The following MACROD2 variants were observed in gnomAD, a reference collection of about 807,000 sequenced individuals.
The protein encoded by MACROD2 is mono-ADP ribosylhydrolase 2.
In MACROD2, 36 loss-of-function variants were observed where a neutral mutation model predicts 70.4. That is an observed-to-expected ratio of 0.51 (90% CI 0.39 to 0.68). MACROD2 has a LOEUF of 0.68. Ranked by LOEUF, MACROD2 falls within the 30% of genes least tolerant of loss-of-function variation. The probability of loss-of-function intolerance (pLI) is 0.00; values close to 1 mark genes in which losing one functional copy is unlikely to be tolerated. For missense variants in MACROD2, 496 were observed against 538.4 expected (o/e 0.92, Z 0.78); for synonymous variants, 172 against 178.8 (o/e 0.96, Z 0.30).
At chr20:15,872,095 T>C (rs1459030957) in intron 9 of MACROD2, among the ~76,000 whole-genome samples, 1 of 152,180 alleles carries the variant, frequency 6.6e-6, no homozygotes, top group Non-Finnish European at 1.5e-5. Context: ...CCTGAAAACA[T>C]GGACAGTTGT....
At chr20:14,966,621 A>G (rs1008116140) in intron 5 of MACROD2, among the ~76,000 whole-genome samples, 7 of 152,154 alleles carry the variant, frequency 4.6e-5, no homozygotes. Context: ...CTCTTCCCGT[A>G]CAAAGCAGCC....
chr20:14,120,478 T>C (rs1287398953), intron 3 of MACROD2, among the ~76,000 whole-genome samples: 1 of 151,742 alleles, frequency 6.6e-6, no homozygotes, highest in East Asian at 1.9e-4. Flanking sequence ...TCCACAAGGA[T>C]CTAGAACCAG....
intron 3 of MACROD2, among the ~76,000 whole-genome samples, chr20:14,302,998 A>G (rs1400309977): frequency 6.6e-6 from 1 of 152,090 alleles, no homozygotes. Context: ...TTTTGCATTC[A>G]CTGAAAGATT....
chr20:15,034,778 T>G (rs755241237), intron 5 of MACROD2, among the ~76,000 whole-genome samples: 1 of 152,192 alleles, frequency 6.6e-6, no homozygotes, highest in Non-Finnish European at 1.5e-5. Context: ...GAATTAGTAA[T>G]ATACTTTGAT....
intron 8 of MACROD2, among the ~76,000 whole-genome samples, chr20:15,854,244 G>A (rs2064332723): frequency 6.6e-6 from 1 of 151,942 alleles, no homozygotes; most frequent in Admixed American, 6.6e-5. Context: ...GTAGAGGTGG[G>A]AGGTAGAGAA....
intron 8 of MACROD2, among the ~76,000 whole-genome samples, chr20:15,633,825 T>G (rs954546501): frequency 1.3e-5 from 2 of 152,220 alleles, no homozygotes; most frequent in African/African-American, 4.8e-5. Context: ...ATACACATGT[T>G]TTAGGAGTGT....
chr20:14,058,641 T>G (rs1016464021), intron 2 of MACROD2, among the ~76,000 whole-genome samples: 1 of 151,040 alleles, frequency 6.6e-6, no homozygotes, highest in Non-Finnish European at 1.5e-5. Context: ...CTTTTTTCCT[T>G]TTACCTTTTT....
rs2064200418 is a variant in MACROD2 at position 15,843,815 on chromosome 20, A to G, written c.646-18930A>G. Among the ~76,000 whole-genome samples the G allele has an allele frequency of 2.6e-5, 4 of 152,162 alleles. No individual in the cohort carries two copies. The South Asian group carries it at 8.3e-4, about 32-fold the overall frequency. On this transcript the variant is annotated intron_variant, in intron 8 of 17. Coordinates refer to ENST00000684519, the MANE Select transcript of MACROD2 (RefSeq NM_001351661.2). ...CAGGAAAATGAGAAACGTGTAATTA[A>G]CATCTGCAATTTGCATTGCTCCCTG... is the stretch of plus-strand genomic sequence containing the variant.
At chr20:14,684,452 C>T (rs1470356481) in intron 4 of MACROD2, among the ~76,000 whole-genome samples, 2 of 152,074 alleles carry the variant, frequency 1.3e-5, no homozygotes, top group East Asian at 3.9e-4. Flanking sequence ...GAAAGAGAGA[C>T]AATTGTGAGC....
intron 5 of MACROD2, among the ~76,000 whole-genome samples, chr20:14,734,267 G>A (rs2123707632): frequency 6.6e-6 from 1 of 152,154 alleles, no homozygotes. Flanking sequence ...GGGAGGCCGA[G>A]GCAGGCGGAT....
intron 2 of MACROD2, among the ~76,000 whole-genome samples, chr20:14,039,306 A>G (rs575571452): frequency 7.0e-4 from 106 of 152,320 alleles, no homozygotes; most frequent in Non-Finnish European, 1.3e-3. Flanking sequence ...TATTTGAAGT[A>G]AATTGGTATC....
At chr20:15,197,074 T>C in intron 5 of MACROD2, 1 of 963,060 alleles carries the variant, frequency 1.0e-6, no homozygotes, top group African/African-American at 1.8e-5. Context: ...TATAAGGTCC[T>C]CTTCATGTCT....
intron 2 of MACROD2, among the ~76,000 whole-genome samples, chr20:14,042,148 CA>C (rs2053399504): frequency 6.6e-6 from 1 of 151,978 alleles, no homozygotes; most frequent in South Asian, 2.1e-4. Flanking sequence ...GAACCATGAA[CA>C]AAAAATTCTT....
chr20:14,184,265 A>C (rs1179570671), intron 3 of MACROD2, among the ~76,000 whole-genome samples: 2 of 152,158 alleles, frequency 1.3e-5, no homozygotes. Context: ...CAGTTATCCC[A>C]GCACCATTTA....
chr20:15,975,135 A>G (rs1219328364), intron 13 of MACROD2, among the ~76,000 whole-genome samples: 1 of 152,172 alleles, frequency 6.6e-6, no homozygotes, highest in Non-Finnish European at 1.5e-5. Flanking sequence ...TACAGTCATT[A>G]TAAATATGAA....
At chr20:15,092,051 C>A (rs1442088046) in intron 5 of MACROD2, among the ~76,000 whole-genome samples, 1 of 152,084 alleles carries the variant, frequency 6.6e-6, no homozygotes, top group Non-Finnish European at 1.5e-5. Flanking sequence ...CACAGAGTGG[C>A]TTTACATTCA....
chr20:15,826,118 G>A (rs567255789), intron 8 of MACROD2, among the ~76,000 whole-genome samples: 6 of 152,222 alleles, frequency 3.9e-5, no homozygotes, highest in South Asian at 4.1e-4. Context: ...ATAAAACTTT[G>A]ATCATAAAGA....
intron 5 of MACROD2, among the ~76,000 whole-genome samples, chr20:14,954,777 A>G (rs1161731383): frequency 8.9e-6 from 1 of 112,044 alleles, no homozygotes; most frequent in South Asian, 3.0e-4. Context: ...ATATAACATA[A>G]ATTATAAATA....
intron 3 of MACROD2, among the ~76,000 whole-genome samples, chr20:14,485,546 A>C (rs532350718): frequency 6.6e-6 from 1 of 151,880 alleles, no homozygotes; most frequent in East Asian, 1.9e-4. Flanking sequence ...CTAAAAATAC[A>C]AAAAATTAGC....
Sources: gnomAD v4.1 joint callset for allele counts (sites outside exome capture counted in the v4.1 genomes callset) on GRCh38, gnomAD v4.1.1 for gene constraint, MANE v1.5 for transcripts, NCBI Gene and HGNC (gene_info 2026-07-23, HGNC 2026-07-21) for gene names.